SOBP: variants seen among roughly 807,000 people sequenced by gnomAD.
SOBP encodes sine oculis-binding protein homolog.
A neutral mutation model predicts 53.6 loss-of-function variants in SOBP; 4 were observed. That is an observed-to-expected ratio of 0.07 (90% CI 0.04 to 0.17). The LOEUF (loss-of-function observed/expected upper bound fraction) is 0.17. Ranked by LOEUF, SOBP falls within the 10% of genes least tolerant of loss-of-function variation. The pLI, the probability that SOBP is intolerant of heterozygous loss-of-function variation, is 1.00. For synonymous variants in SOBP, 584 were observed against 522.6 expected (o/e 1.12, Z -1.60); for missense variants, 1,088 against 1,204.7 (o/e 0.90, Z 1.43).
intron 2 of SOBP, 89 bp downstream of exon 2, chr6:107,503,884 G>T: frequency 6.8e-7 from 1 of 1,479,582 alleles, no homozygotes. Flanking sequence ...ACTCAATTGA[G>T]TTGCTTTGTT....
At chr6:107,495,821 CTCTT>C (rs1782685342) in intron 1 of SOBP, among the ~76,000 whole-genome samples, 1 of 152,088 alleles carries the variant, frequency 6.6e-6, no homozygotes, top group Non-Finnish European at 1.5e-5. Context: ...TATTTACTGA[CTCTT>C]TATACTTAAC....
At chr6:107,561,016 G>C (rs915685765) in intron 4 of SOBP, among the ~76,000 whole-genome samples, 15 of 152,100 alleles carry the variant, frequency 9.9e-5, no homozygotes. Flanking sequence ...CCTTTCTTCT[G>C]CAAAGGTCTG....
chr6:107,625,167 C>T (rs935156507), intron 5 of SOBP, among the ~76,000 whole-genome samples: 10 of 152,276 alleles, frequency 6.6e-5, no homozygotes, highest in Non-Finnish European at 1.0e-4. Context: ...CCTATTGTTA[C>T]TAGTGTATAA....
intron 4 of SOBP, among the ~76,000 whole-genome samples, chr6:107,567,372 C>G (rs1784948676): frequency 6.6e-6 from 1 of 152,172 alleles, no homozygotes; most frequent in Non-Finnish European, 1.5e-5. Context: ...ACCACTCTAG[C>G]CTATGAGGAT....
chr6:107,558,888 C>T (rs1307614688), intron 4 of SOBP, among the ~76,000 whole-genome samples: 1 of 151,850 alleles, frequency 6.6e-6, no homozygotes, highest in African/African-American at 2.4e-5. Context: ...CTTATAACTG[C>T]TTTCCTTTTT....
intron 5 of SOBP, among the ~76,000 whole-genome samples, chr6:107,609,698 G>A (rs189846501): frequency 3.9e-5 from 6 of 152,204 alleles, no homozygotes; most frequent in South Asian, 2.1e-4. Context: ...GCCTAGCTCC[G>A]TTATGCATAA....
At chr6:107,523,295 G>A (rs1783568139) in intron 3 of SOBP, among the ~76,000 whole-genome samples, 1 of 152,164 alleles carries the variant, frequency 6.6e-6, no homozygotes. Context: ...TTGGCATAGG[G>A]CCCCTTCAGA....
chr6:107,514,940 C>T (rs896343785), intron 3 of SOBP: 2 of 152,090 alleles, frequency 1.3e-5, no homozygotes, highest in Non-Finnish European at 2.9e-5. Context: ...CTGCTTGGGA[C>T]AAGTTTTAAT....
intron 5 of SOBP, among the ~76,000 whole-genome samples, chr6:107,623,074 T>A (rs1770257606): frequency 6.6e-6 from 1 of 152,156 alleles, no homozygotes; most frequent in South Asian, 2.1e-4. Context: ...TATCTTGGAA[T>A]ACGTGATAGC....
chr6:107,501,601 T>TAG (rs1782844631), intron 1 of SOBP, among the ~76,000 whole-genome samples: 1 of 152,220 alleles, frequency 6.6e-6, no homozygotes, highest in Admixed American at 6.5e-5. Context: ...TTGTTTTTTT[T>TAG]GATGAAAAGT....
chr6:107,636,536 A>G (rs1324848708), intron 6 of SOBP, among the ~76,000 whole-genome samples: 1 of 152,208 alleles, frequency 6.6e-6, no homozygotes, highest in African/African-American at 2.4e-5. Flanking sequence ...GGCCTGTTGG[A>G]CACAGCCCAA....
chr6:107,591,287 G>A (rs1270865997), intron 5 of SOBP, among the ~76,000 whole-genome samples: 1 of 152,146 alleles, frequency 6.6e-6, no homozygotes, highest in Non-Finnish European at 1.5e-5. Context: ...TATTTAAAGA[G>A]CCAGGCACAT....
chr6:107,583,708 G>A (rs1182089073), intron 4 of SOBP, among the ~76,000 whole-genome samples: 1 of 151,944 alleles, frequency 6.6e-6, no homozygotes, highest in Non-Finnish European at 1.5e-5. Context: ...GTTTTGTTTT[G>A]TTTTGGTAGA....
In SOBP at chr6:107,629,112, C is replaced by T. The variant is rs979113675; in HGVS notation, c.670-4402C>T. Among the ~76,000 whole-genome samples the T allele has an allele frequency of 4.6e-5, 7 of 152,214 alleles. No individual in the cohort carries two copies. The South Asian group carries it at 1.0e-3, about 23-fold the overall frequency. ...TACAGTTTTGCTTAAGGAGCTACAA[C>T]GTCTGAGCTGTTACCTAGGAGATAC... On this transcript the variant is annotated intron_variant, in intron 5 of 6. Transcript: ENST00000317357.
At chr6:107,509,965 G>C (rs981446695) in intron 3 of SOBP, 1 of 152,156 alleles carries the variant, frequency 6.6e-6, no homozygotes, top group Admixed American at 6.5e-5. Context: ...ACAAGACAAA[G>C]ATACAAAAAG....
chr6:107,559,173 A>C (rs1784704270), intron 4 of SOBP, among the ~76,000 whole-genome samples: 1 of 152,236 alleles, frequency 6.6e-6, no homozygotes, highest in Non-Finnish European at 1.5e-5. Context: ...TTAATTTGTT[A>C]ACCAAATAAG....
Position 107,617,820 on chromosome 6 carries a change from C to CTT in SOBP, c.670-15670_670-15669dup, listed in dbSNP as rs71551315. ...GGCAGCTTGGGTTGTTGTATGACTC[C>CTT]TTTTTTTTTTTTTTTTTTTTTTTTT... On this transcript the variant is annotated intron_variant, in intron 5 of 6. Coordinates refer to ENST00000317357, the MANE Select transcript of SOBP (RefSeq NM_018013.4). Among the ~76,000 whole-genome samples the CTT allele has an allele frequency of 1.3e-3, 133 of 101,170 alleles. 1 individual carries two copies. Among genetic ancestry groups the CTT allele is most frequent in the Middle Eastern group, 5.7e-3 (1 of 176 alleles). 66.4% of individuals were successfully genotyped at this position (101,170 alleles called of 152,430 possible). A position where few individuals can be genotyped will look rare whatever the true frequency, so the allele number is the denominator to read the frequency against.
At chr6:107,513,967 CTG>C (rs1562582711) in intron 3 of SOBP, 1 of 152,546 alleles carries the variant, frequency 6.6e-6, no homozygotes, top group Non-Finnish European at 1.5e-5. Flanking sequence ...GATGAGAAAA[CTG>C]AGGCCCAGAA....
chr6:107,563,554 AG>A (rs940462970), intron 4 of SOBP, among the ~76,000 whole-genome samples: 30 of 152,186 alleles, frequency 2.0e-4, no homozygotes, highest in African/African-American at 7.0e-4. Context: ...AATTTCACAA[AG>A]GAAGCATCAT....
Sources: gnomAD v4.1 joint callset for allele counts (sites outside exome capture counted in the v4.1 genomes callset) on GRCh38, gnomAD v4.1.1 for gene constraint, MANE v1.5 for transcripts, NCBI Gene and HGNC (gene_info 2026-07-23, HGNC 2026-07-21) for gene names.